Variants in PSD3 observed in about 807,000 individuals in gnomAD.
The protein encoded by PSD3 is pleckstrin and Sec7 domain containing 3.
A neutral mutation model predicts 105.5 loss-of-function variants in PSD3; 49 were observed. The ratio of observed to expected loss-of-function variants is 0.46; its 90% CI spans 0.37 to 0.59. PSD3 has a LOEUF of 0.59. PSD3 is among the 20% of genes least tolerant of loss of function. The pLI is 0.00. For missense variants in PSD3, 1,561 were observed against 1,263.8 expected (o/e 1.24, Z -3.57); for synonymous variants, 557 against 457.8 (o/e 1.22, Z -2.77).
At chr8:18,707,492 A>G (rs951829751) in intron 9 of PSD3, among the ~76,000 whole-genome samples, 6 of 152,212 alleles carry the variant, frequency 3.9e-5, no homozygotes, top group Non-Finnish European at 7.3e-5. Flanking sequence ...GCCCCACAAC[A>G]CACACACTTG....
intron 1 of PSD3, among the ~76,000 whole-genome samples, chr8:18,972,439 T>C (rs778413073): frequency 3.3e-5 from 5 of 152,188 alleles, no homozygotes; most frequent in African/African-American, 4.8e-5. Flanking sequence ...TGACTCAACA[T>C]AGCTAATTCC....
chr8:18,674,645 C>G (rs759839768), intron 9 of PSD3, among the ~76,000 whole-genome samples: 44 of 152,196 alleles, frequency 2.9e-4, no homozygotes, highest in African/African-American at 1.4e-4. Flanking sequence ...CCTCAAAACA[C>G]TGTCCAACCA....
intron 1 of PSD3, among the ~76,000 whole-genome samples, chr8:19,078,858 G>C (rs1434479398): frequency 6.6e-6 from 1 of 151,586 alleles, no homozygotes. Context: ...TGGGCAGAAA[G>C]AGAAAGAGGG....
chr8:18,768,116 C>CA (rs774203727), intron 8 of PSD3, among the ~76,000 whole-genome samples: 15,313 of 97,136 alleles, frequency 0.16, 1,535 homozygotes, highest in South Asian at 0.29. Flanking sequence ...ACTGAAAATA[C>CA]AAAAAAAAAA....
chr8:18,683,633 G>C lies in PSD3; in HGVS notation c.2173-27948C>G. On this transcript the variant is annotated intron_variant, in intron 9 of 15. Coordinates refer to ENST00000327040, the MANE Select transcript of PSD3 (RefSeq NM_015310.4). ...CAGGTCCCATCCGTTTCACCTGATC[G>C]CACCTGATTCTCTTAGAACCATTTT... The C allele has an allele frequency of 8.6e-6, 5 of 584,298 alleles. No homozygotes were observed. In the South Asian group the frequency reaches 1.2e-4, roughly 14 times the overall value. 36.2% of individuals were successfully genotyped at this position (584,298 alleles called of 1,614,324 possible).
Position 18,988,688 on chromosome 8 carries a change from CAT to C in PSD3, c.21+24873_21+24874del, listed in dbSNP as rs558203865. Among the ~76,000 whole-genome samples the C allele has an allele frequency of 4.2e-4, 64 of 152,268 alleles. No individual in the cohort carries two copies. The South Asian group carries it at 0.012, about 30-fold the overall frequency. Reference sequence around the variant, plus strand: ...CACAAGAACATTAATGACACTATCACATGTTTAAAAAGTGTTGATTTGAAGGT... The same window carrying C: ...CACAAGAACATTAATGACACTATCACGTTTAAAAAGTGTTGATTTGAAGGT... On this transcript the variant is annotated intron_variant, in intron 1 of 15. Coordinates refer to ENST00000327040, the MANE Select transcript of PSD3 (RefSeq NM_015310.4).
Position 18,753,122 on chromosome 8 carries a change from C to T in PSD3, c.2172+12327G>A, listed in dbSNP as rs568402311. 3.3e-5 allele frequency among the ~76,000 whole-genome samples: 5 copies of T among 152,064 alleles called. No individual in the cohort carries two copies. In the South Asian group the frequency reaches 6.2e-4, roughly 19 times the overall value. On this transcript the variant is annotated intron_variant, in intron 9 of 15. Transcript: ENST00000327040. ...CTGTAATCCCAGCACTCTGGGAAGC[C>T]GAGGCAGGTGGATCACGAGGTCAGG...
rs564856090 is a variant in PSD3, at chr8:18,810,136, C to T, written c.1635-5238G>A. Among the ~76,000 whole-genome samples the T allele has an allele frequency of 7.5e-4, 114 of 152,278 alleles. 2 individuals are homozygous for T. The South Asian group carries it at 0.023, about 30-fold the overall frequency. ...TTGTTCCCTTTGCCACACTCATCACCCCCAGCCCTACCATGCCAAATTCTG... is the reference window on the plus strand; with the variant it reads ...TTGTTCCCTTTGCCACACTCATCACTCCCAGCCCTACCATGCCAAATTCTG... On this transcript the variant is annotated intron_variant, in intron 4 of 15. Transcript: ENST00000327040.
At chr8:19,008,906 G>T (rs1826827926) in intron 1 of PSD3, among the ~76,000 whole-genome samples, 1 of 152,080 alleles carries the variant, frequency 6.6e-6, no homozygotes, top group African/African-American at 2.4e-5. Context: ...CCAGCTCATG[G>T]GAAGAAATAA....
At chr8:18,616,910 A>C (rs1419093824) in intron 11 of PSD3, among the ~76,000 whole-genome samples, 1 of 152,022 alleles carries the variant, frequency 6.6e-6, no homozygotes, top group Non-Finnish European at 1.5e-5. Flanking sequence ...GGCGTGAGCC[A>C]CCGCGCCCGG....
chr8:18,540,932 T>C (rs1800117408), intron 15 of PSD3, among the ~76,000 whole-genome samples: 1 of 152,016 alleles, frequency 6.6e-6, no homozygotes, highest in African/African-American at 2.4e-5. Flanking sequence ...ACACTCCTAT[T>C]CGAGGACCTG....
chr8:18,599,647 C>T (rs1260042333), intron 12 of PSD3, among the ~76,000 whole-genome samples: 2 of 152,118 alleles, frequency 1.3e-5, no homozygotes, highest in Non-Finnish European at 2.9e-5. Flanking sequence ...TTGAACTGTA[C>T]AGATCCACTA....
At chr8:18,589,318 G>A (rs919812040) in intron 12 of PSD3, among the ~76,000 whole-genome samples, 2 of 152,154 alleles carry the variant, frequency 1.3e-5, no homozygotes, top group Non-Finnish European at 2.9e-5. Flanking sequence ...TTTCTCCCTT[G>A]TCATGACCCT....
chr8:18,770,661 T>A (rs1807435692), intron 8 of PSD3, among the ~76,000 whole-genome samples: 1 of 152,206 alleles, frequency 6.6e-6, no homozygotes. Flanking sequence ...CGCAGCAACA[T>A]CTGGGGAGGG....
chr8:18,739,837 G>C (rs1804423032), intron 9 of PSD3, among the ~76,000 whole-genome samples: 2 of 152,120 alleles, frequency 1.3e-5, no homozygotes, highest in Admixed American at 1.3e-4. Flanking sequence ...TTCTGGCTAA[G>C]ATCAACTATA....
chr8:18,742,810 G>C (rs963540994), intron 9 of PSD3, among the ~76,000 whole-genome samples: 5 of 152,138 alleles, frequency 3.3e-5, no homozygotes, highest in African/African-American at 7.2e-5. Flanking sequence ...AAGACAAAGA[G>C]CTAGTCATAC....
intron 9 of PSD3, among the ~76,000 whole-genome samples, chr8:18,707,127 A>ACT (rs1801951315): frequency 6.6e-6 from 1 of 151,462 alleles, no homozygotes; most frequent in Non-Finnish European, 1.5e-5. Context: ...TCATATACTC[A>ACT]CTCTCTCGTT....
chr8:18,633,599 T>C (rs182656563), intron 10 of PSD3, among the ~76,000 whole-genome samples: 2 of 152,270 alleles, frequency 1.3e-5, no homozygotes, highest in African/African-American at 4.8e-5. Flanking sequence ...TTCAACCTTT[T>C]TCTATGGTTG....
At chr8:18,652,147 CACG>C (rs1227651392) in intron 10 of PSD3, among the ~76,000 whole-genome samples, 1 of 152,112 alleles carries the variant, frequency 6.6e-6, no homozygotes, top group African/African-American at 2.4e-5. Flanking sequence ...ATGGAGCACA[CACG>C]ACAAGTTTGG....
Sources: gnomAD v4.1 joint callset for allele counts (sites outside exome capture counted in the v4.1 genomes callset) on GRCh38, gnomAD v4.1.1 for gene constraint, MANE v1.5 for transcripts, NCBI Gene and HGNC (gene_info 2026-07-23, HGNC 2026-07-21) for gene names.